LINGO4: variants seen among roughly 807,000 people sequenced by gnomAD.
LINGO4 encodes leucine rich repeat and Ig domain containing 4.
Under a neutral mutation model 27.9 loss-of-function variants are expected in LINGO4, and 22 were observed. The ratio of observed to expected loss-of-function variants is 0.79; its 90% CI spans 0.56 to 1.13. LINGO4 has a LOEUF of 1.13. Among genes scored for constraint, LINGO4 ranks in the 50% most tolerant of loss-of-function variants. The probability of loss-of-function intolerance (pLI) is 0.00; values close to 1 mark genes in which losing one functional copy is unlikely to be tolerated. For missense variants in LINGO4, 706 were observed against 739.4 expected, an observed-to-expected ratio of 0.95 and a Z score of 0.52; for synonymous variants, 306 against 325.8, an observed-to-expected ratio of 0.94 and a Z score of 0.65.
intron 1 of LINGO4, 37 bp downstream of exon 1, chr1:151,805,193 C>T (rs979544757): frequency 2.0e-5 from 3 of 153,246 alleles, no homozygotes; most frequent in Non-Finnish European, 4.4e-5. Context: ...TGGAAAAGGG[C>T]GGCTGCATCT....
In LINGO4 at chr1:151,802,475, T is replaced by C. The variant is rs545434613; in HGVS notation, c.230A>G (p.Gln77Arg). ...LSGNRLWGLQ[Q>R]GMLSRLSLLQ... ...CAGGCTCAGGCGGGAGAGCATTCCC[T>C]GCTGGAGCCCCCACAGGCGGTTCCC... Residue 77 changes from glutamine to arginine, a missense_variant, in exon 2 of 2, where the codon CAG (glutamine) becomes CGG (arginine). Coordinates refer to ENST00000368820, the MANE Select transcript of LINGO4 (RefSeq NM_001004432.4). 1.9e-5 allele frequency: 30 copies of C among 1,614,066 alleles called. No homozygotes were observed. The South Asian group carries it at 2.6e-4, about 14-fold the overall frequency.
rs761355707 is a variant in LINGO4 at position 151,801,511 on chromosome 1, C to T, written c.1194G>A (p.Glu398=). The change falls in exon 2 of 2, where the codon GAG becomes GAA. Residue 398 remains glutamate (E), a synonymous_variant. Coordinates refer to ENST00000368820, the MANE Select transcript of LINGO4 (RefSeq NM_001004432.4). This position sits in a 1 kb window ranked among gnomAD's most constrained non-coding sequence, Gnocchi z 5.7. The stretch of plus-strand genomic sequence containing the variant: ...GCCCTGGAGGCAGGATGTCTGAAAA[C>T]TCCTTCAGGCTCTTCCCCTGGACAT... The part of the protein sequence containing the change: ...PHHVQGKSLK[E]FSDILPPGHF... 9 of 1,613,998 alleles carry T rather than the reference C, an allele frequency of 5.6e-6. No homozygotes were observed. In the Admixed American group the frequency reaches 1.5e-4, roughly 27 times the overall value.
rs776345292 is a variant in LINGO4 at position 151,802,634 on chromosome 1, G to T, written c.71C>A (p.Pro24His). 2.5e-6 allele frequency: 4 copies of T among 1,580,400 alleles called. No individual in the cohort carries two copies. Among genetic ancestry groups the T allele is most frequent in the Non-Finnish European group, 2.6e-6 (3 of 1,164,084 alleles). The change falls in exon 2 of 2, where the codon CCT (proline) becomes CAT (histidine). Residue 24 changes from proline to histidine, a missense_variant. Transcript: ENST00000368820. ...WPPLLFLLLL[P>H]GGSGGSCPAV... ...AGGGCAGCTGCCACCGCTCCCTCCA[G>T]GTAGGAGGAGGAGGAAAAGGAGCGG... is the stretch of plus-strand genomic sequence containing the variant.
chr1:151,803,256 ACTAGCTCACC>A (rs1337555372), intron 1 of LINGO4, among the ~76,000 whole-genome samples: 1 of 152,026 alleles, frequency 6.6e-6, no homozygotes, highest in East Asian at 1.9e-4. Flanking sequence ...CCTCACCTTG[ACTAGCTCACC>A]CAAGGCTGGG....
intron 1 of LINGO4, among the ~76,000 whole-genome samples, chr1:151,804,715 C>T (rs1651239602): frequency 2.0e-5 from 3 of 152,248 alleles, no homozygotes; most frequent in African/African-American, 7.2e-5. Context: ...GGCTTCCGGC[C>T]ACTTTGCAGG....
Position 151,801,018 on chromosome 1 carries a change from G to A in LINGO4, c.1687C>T (p.Arg563Trp), listed in dbSNP as rs1651127917. 9 of 1,614,162 alleles carry A rather than the reference G, an allele frequency of 5.6e-6. No individual in the cohort carries two copies. The highest frequency in any genetic ancestry group is 1.1e-5 in the South Asian group (1 of 91,072). Residue 563 changes from arginine to tryptophan, a missense_variant, in exon 2 of 2, where the codon CGG (arginine) becomes TGG (tryptophan). Physicochemically the swap from Arg to Trp is moderately radical, Grantham distance 101. Transcript: ENST00000368820. The surrounding 1 kb of genome is among the most constrained non-coding windows in gnomAD (Gnocchi z 5.7). ...LIALWSKGKGRVKHHMTFDFV... is the reference protein window; with the variant it reads ...LIALWSKGKGWVKHHMTFDFV... The stretch of plus-strand genomic sequence containing the variant: ...TCAAAGGTCATGTGATGTTTGACCC[G>A]ACCTTTGCCCTTGCTCCAAAGGGCA...
intron 1 of LINGO4, among the ~76,000 whole-genome samples, chr1:151,804,013 G>C (rs112500535): frequency 6.6e-6 from 1 of 152,280 alleles, no homozygotes; most frequent in Non-Finnish European, 1.5e-5. Flanking sequence ...GCCCATGGAT[G>C]CTCTCTGGGA....
Position 151,801,712 on chromosome 1 carries a change from C to G in LINGO4, c.993G>C (p.Val331=), listed in dbSNP as rs965657461. 5 of 1,614,082 alleles carry G rather than the reference C, an allele frequency of 3.1e-6. No individual in the cohort carries two copies. In the African/African-American group the frequency reaches 6.7e-5, roughly 22 times the overall value. Residue 331 remains valine (V), a synonymous_variant, in exon 2 of 2, where the codon GTG becomes GTC. Coordinates refer to ENST00000368820, the MANE Select transcript of LINGO4 (RefSeq NM_001004432.4). The surrounding 1 kb of genome is among the most constrained non-coding windows in gnomAD (Gnocchi z 5.7). ...CTAGTGTCTGAAGGGCGTTATCTGC[C>G]ACATCCAGGAGGTGGAAGGCAGTCA... ...HGLTAFHLLD[V]ADNALQTLEE... is the part of the protein sequence containing the mutation.
Position 151,800,498 on chromosome 1 carries a change from C to T in LINGO4, c.*425G>A. 5.9e-6 allele frequency: 1 copy of T among 168,712 alleles called. No individual in the cohort carries two copies. Among genetic ancestry groups the T allele is most frequent in the Non-Finnish European group, 1.3e-5 (1 of 78,082 alleles). 10.5% of individuals were successfully genotyped at this position (168,712 alleles called of 1,614,324 possible). ...AAAGAAAGGGACTCTGCCTGGTTGA[C>T]AAACAGACTCTAAGGAGCAAGTGGC... On this transcript the variant is annotated 3_prime_UTR_variant, in exon 2 of 2. Transcript: ENST00000368820.
At position 151,802,697 on chromosome 1, in the gene LINGO4, G is replaced by A. The variant is rs1313167012; in HGVS notation, c.8C>T (p.Ala3Val). Residue 3 changes from alanine (A) to valine (V), a missense_variant, in exon 2 of 2, where the codon GCA (alanine) becomes GTA (valine). By Grantham distance (64) the Ala-to-Val change is moderately conservative. Coordinates refer to ENST00000368820, the MANE Select transcript of LINGO4 (RefSeq NM_001004432.4). MD[A>V]ATAPKQAWPP... ...CCAGGCTTGCTTTGGAGCTGTGGCT[G>A]CATCCATTCCCTCTTCAGTCCTGGA... 3 of 1,505,018 alleles carry A rather than the reference G, an allele frequency of 2.0e-6. No individual in the cohort carries two copies. The highest frequency in any genetic ancestry group is 2.7e-6 in the Non-Finnish European group (3 of 1,130,964). 93.2% of individuals were successfully genotyped at this position (1,505,018 alleles called of 1,614,324 possible).
In LINGO4 at chr1:151,802,632, C is replaced by A; in HGVS notation, c.73G>T (p.Gly25Ter). Residue 25 changes from glycine to a stop codon, truncating the protein, a stop_gained, in exon 2 of 2, where the codon GGA becomes TGA. Transcript: ENST00000368820. LOFTEE classifies it high-confidence loss of function. ...PPLLFLLLLP[G>*]GSGGSCPAVC... is the part of the protein sequence containing the mutation. ...GCAGGGCAGCTGCCACCGCTCCCTC[C>A]AGGTAGGAGGAGGAGGAAAAGGAGC... is the stretch of plus-strand genomic sequence containing the variant. 1 of 1,586,078 alleles carries A rather than the reference C, an allele frequency of 6.3e-7. No individual in the cohort carries two copies.
In LINGO4 at chr1:151,801,348, C is replaced by T. The variant is rs766981542; in HGVS notation, c.1357G>A (p.Ala453Thr). The T allele has an allele frequency of 6.2e-7, 1 of 1,613,436 alleles. No individual in the cohort carries two copies. The highest frequency in any genetic ancestry group is 8.5e-7 in the Non-Finnish European group (1 of 1,179,394). ...PTVSWMRPHG[A>T]WLGRAGRVRV... ...ACTCTCCCAGCCCTGCCCAGCCAAG[C>T]CCCATGAGGCCTCATCCAGGAGACA... Residue 453 changes from alanine to threonine, a missense_variant, in exon 2 of 2, where the codon GCT (alanine) becomes ACT (threonine). Coordinates refer to ENST00000368820, the MANE Select transcript of LINGO4 (RefSeq NM_001004432.4). This position sits in a 1 kb window ranked among gnomAD's most constrained non-coding sequence, Gnocchi z 5.7.
chr1:151,802,608 C>A lies in LINGO4; in HGVS notation c.97G>T (p.Ala33Ser). Residue 33 changes from alanine (A) to serine (S), a missense_variant, in exon 2 of 2, where the codon GCT becomes TCT. Ala to Ser is a moderately conservative substitution (Grantham distance 99). Coordinates refer to ENST00000368820, the MANE Select transcript of LINGO4 (RefSeq NM_001004432.4). Reference sequence around the variant, plus strand: ...GGCTGGGAGGTGCAGTCACACACAGCAGGGCAGCTGCCACCGCTCCCTCCA... The same window carrying A: ...GGCTGGGAGGTGCAGTCACACACAGAAGGGCAGCTGCCACCGCTCCCTCCA... Reference protein sequence around the residue: ...LPGGSGGSCPAVCDCTSQPQA... With the variant: ...LPGGSGGSCPSVCDCTSQPQA... 2 of 1,599,130 alleles carry A rather than the reference C, an allele frequency of 1.3e-6. No individual in the cohort carries two copies. The highest frequency in any genetic ancestry group is 8.5e-7 in the Non-Finnish European group (1 of 1,172,490).
At position 151,800,698 on chromosome 1, in the gene LINGO4, T is replaced by G; in HGVS notation, c.*225A>C. The G allele has an allele frequency of 1.9e-6, 1 of 519,032 alleles. No individual in the cohort carries two copies. The highest frequency in any genetic ancestry group is 3.4e-6 in the Non-Finnish European group (1 of 294,282). 32.2% of individuals were successfully genotyped at this position (519,032 alleles called of 1,614,324 possible). A position where few individuals can be genotyped will look rare whatever the true frequency, so the allele number is the denominator to read the frequency against. On this transcript the variant is annotated 3_prime_UTR_variant, in exon 2 of 2. Coordinates refer to ENST00000368820, the MANE Select transcript of LINGO4 (RefSeq NM_001004432.4). ...AGCAGGGGCTGGACTAACGACGGGG[T>G]CTGCATCTGCAGCTCCCTGGGACCC...
chr1:151,803,708 G>A lies in LINGO4; in HGVS notation c.-13-991C>T, dbSNP rs545608332. Among the ~76,000 whole-genome samples, 4 of 152,328 alleles carry A rather than the reference G, an allele frequency of 2.6e-5. No individual in the cohort carries two copies. In the South Asian group the frequency reaches 6.2e-4, roughly 24 times the overall value. On this transcript the variant is annotated intron_variant, in intron 1 of 1. Transcript: ENST00000368820. The stretch of plus-strand genomic sequence containing the variant: ...GGACCAGGGAGCATAGATAAGTGAG[G>A]AGAGACAGCATCTGACCAAGTGCTG...
chr1:151,801,625 T>C lies in LINGO4; in HGVS notation c.1080A>G (p.Leu360=). The C allele has an allele frequency of 2.5e-6, 4 of 1,613,686 alleles. No individual in the cohort carries two copies. In the East Asian group the frequency reaches 8.9e-5, roughly 36 times the overall value. Residue 360 remains leucine, a synonymous_variant, in exon 2 of 2, where the codon CTA becomes CTG. Coordinates refer to ENST00000368820, the MANE Select transcript of LINGO4 (RefSeq NM_001004432.4). This position sits in a 1 kb window ranked among gnomAD's most constrained non-coding sequence, Gnocchi z 5.7. The part of the protein sequence containing the change: ...LVTLRLSGNP[L]TCDCRLLWLL... ...GCCAGAGGAGGCGGCAGTCACAGGT[T>C]AGGGGGTTGCCAGACAGCCTCAAGG...
chr1:151,802,300 G>A lies in LINGO4; in HGVS notation c.405C>T (p.Thr135=), dbSNP rs759008226. The change falls in exon 2 of 2, where the codon ACC becomes ACT. Residue 135 remains threonine, a synonymous_variant. Coordinates refer to ENST00000368820, the MANE Select transcript of LINGO4 (RefSeq NM_001004432.4). The part of the protein sequence containing the change: ...PGVFSGLSAL[T]LLDLRLNQIV... The stretch of plus-strand genomic sequence containing the variant: ...TCTGGTTGAGGCGGAGGTCCAGCAG[G>A]GTCAGAGCAGAGAGGCCTGAGAAGA... The A allele has an allele frequency of 6.2e-7, 1 of 1,614,066 alleles. No homozygotes were observed. Among genetic ancestry groups the A allele is most frequent in the Admixed American group, 1.7e-5 (1 of 60,004 alleles).
rs749214529 is a variant in LINGO4, at chr1:151,800,912, G to C, written c.*11C>G. 2.5e-6 allele frequency: 4 copies of C among 1,587,084 alleles called. No homozygotes were observed. The highest frequency in any genetic ancestry group is 3.4e-6 in the Non-Finnish European group (4 of 1,164,780). On this transcript the variant is annotated 3_prime_UTR_variant, in exon 2 of 2. Transcript: ENST00000368820. ...GCGGACTTGGTGGGTTCCCCACTGG[G>C]GAAGGAAAGGTCAGAAGAGCTTGGC...
chr1:151,802,181 G>C lies in LINGO4; in HGVS notation c.524C>G (p.Ala175Gly). 6.2e-7 allele frequency: 1 copy of C among 1,614,022 alleles called. No individual in the cohort carries two copies. Among genetic ancestry groups the C allele is most frequent in the Non-Finnish European group, 8.5e-7 (1 of 1,180,002 alleles). The change falls in exon 2 of 2, where the codon GCC (alanine) becomes GGC (glycine). Residue 175 changes from alanine (A) to glycine (G), a missense_variant. Ala to Gly is a moderately conservative substitution (Grantham distance 60). Transcript: ENST00000368820. ...GCTCAACTTGGCTAGCCCTGCAAAG[G>C]CCCCCGGAGCCACAAATACCAGGTG... ...DNHLVFVAPGAFAGLAKLSTL... is the reference protein window; with the variant it reads ...DNHLVFVAPGGFAGLAKLSTL...
Sources: allele counts gnomAD v4.1 joint callset (sites outside exome capture counted in the v4.1 genomes callset), GRCh38; gene constraint gnomAD v4.1.1; non-coding constraint Gnocchi (gnomAD v3.1); transcripts MANE v1.5; gene names NCBI Gene and HGNC (gene_info 2026-07-23, HGNC 2026-07-21).